GRM4: variants seen among roughly 807,000 people sequenced by gnomAD.
GRM4 encodes the protein glutamate metabotropic receptor 4.
In GRM4, 28 loss-of-function variants were observed where a neutral mutation model predicts 81.7. The ratio of observed to expected loss-of-function variants is 0.34; its 90% CI spans 0.25 to 0.47. The LOEUF (loss-of-function observed/expected upper bound fraction) is 0.47. Ranked by LOEUF, GRM4 falls within the 20% of genes least tolerant of loss-of-function variation. The pLI, the probability that GRM4 is intolerant of heterozygous loss-of-function variation, is 1.00. For synonymous variants in GRM4, 488 were observed against 528.8 expected (o/e 0.92, Z 1.06); for missense variants, 948 against 1,290.0 (o/e 0.73, Z 4.06).
intron 9 of GRM4, among the ~76,000 whole-genome samples, chr6:34,029,370 C>G (rs1764300923): frequency 3.3e-5 from 5 of 152,206 alleles, no homozygotes; most frequent in African/African-American, 1.2e-4. Flanking sequence ...TTCTTCTACC[C>G]AGACCAGCAG....
intron 5 of GRM4, among the ~76,000 whole-genome samples, chr6:34,057,697 T>C (rs1406998925): frequency 6.6e-6 from 1 of 152,234 alleles, no homozygotes; most frequent in Non-Finnish European, 1.5e-5. Context: ...GTTTCTCTAA[T>C]GTTCCTGAGA....
rs2127441621 is a variant in GRM4, at chr6:34,034,604, C to G, written c.2442+1064G>C. Among the ~76,000 whole-genome samples the G allele has an allele frequency of 6.6e-6, 1 of 152,336 alleles. No homozygotes were observed. Among genetic ancestry groups the G allele is most frequent in the African/African-American group, 2.4e-5 (1 of 41,578 alleles). On this transcript the variant is annotated intron_variant, in intron 9 of 10. Coordinates refer to ENST00000538487, the MANE Select transcript of GRM4 (RefSeq NM_000841.4). This position sits in a 1 kb window ranked among gnomAD's most constrained non-coding sequence, Gnocchi z 4.0. The stretch of plus-strand genomic sequence containing the variant: ...CCTGTCACCTCTCTGATCTCGTTCC[C>G]CACTCCTCTGGCTTCCTCAGCTCCA...
rs747823586 is a variant in GRM4, at chr6:34,040,138, C to T, written c.1506+40G>A. On this transcript the variant is annotated intron_variant, in intron 8 of 10. Transcript: ENST00000538487. ...GCCCCCCTCCCAGGGGCTGGAACTG[C>T]GTGAGTCACTCTCCACCCACTCCCT... The T allele has an allele frequency of 2.5e-6, 4 of 1,600,660 alleles. No homozygotes were observed. The East Asian group carries it at 9.0e-5, about 36-fold the overall frequency.
intron 3 of GRM4, among the ~76,000 whole-genome samples, chr6:34,073,281 ATACCACACACAC>A (rs1257496359): frequency 4.6e-3 from 23 of 5,042 alleles, no homozygotes; most frequent in African/African-American, 0.013. Context: ...CACCACACAG[ATACCACACACAC>A]ATCCACACAT....
At chr6:34,116,298 G>A (rs548615332) in intron 2 of GRM4, among the ~76,000 whole-genome samples, 11 of 152,280 alleles carry the variant, frequency 7.2e-5, no homozygotes, top group Admixed American at 2.0e-4. Context: ...AAATGGGGCC[G>A]GTGATACTGA....
chr6:34,137,987 C>A (rs1581735367), intron 1 of GRM4, among the ~76,000 whole-genome samples: 1 of 152,120 alleles, frequency 6.6e-6, no homozygotes, highest in African/African-American at 2.4e-5. Flanking sequence ...CAGAAAGAAC[C>A]ACAAACCACA....
At chr6:34,031,554 A>G (rs1204156045) in intron 9 of GRM4, among the ~76,000 whole-genome samples, 1 of 152,186 alleles carries the variant, frequency 6.6e-6, no homozygotes, top group Non-Finnish European at 1.5e-5. Flanking sequence ...GCTGACCCTG[A>G]TAGGAACCAA....
At chr6:34,154,974 G>T in intron 1 of GRM4, 1 of 940,302 alleles carries the variant, frequency 1.1e-6, no homozygotes, top group Non-Finnish European at 1.5e-6. Flanking sequence ...CGGGCCTGGG[G>T]CGGGTCCGAG....
chr6:34,053,988 C>A (rs1480843204), intron 6 of GRM4, among the ~76,000 whole-genome samples: 2 of 152,170 alleles, frequency 1.3e-5, no homozygotes, highest in Non-Finnish European at 2.9e-5. Context: ...TCTAACGCAC[C>A]TCCAGGCTTT....
In GRM4 at chr6:34,133,673, C is replaced by G; in HGVS notation, c.-177G>C. 1 of 1,415,598 alleles carries G rather than the reference C, an allele frequency of 7.1e-7. No homozygotes were observed. The highest frequency in any genetic ancestry group is 9.2e-7 in the Non-Finnish European group (1 of 1,090,708). The allele number at this position is 1,415,598 out of a possible 1,614,324, so 87.7% of individuals were successfully genotyped here. A position where few individuals can be genotyped will look rare whatever the true frequency, so the allele number is the denominator to read the frequency against. ...CCACCTCCTTGTCACTCGGGCCAAGCACAGTTGCCCGCACAGTCCAGGCCC... is the reference window on the plus strand; with the variant it reads ...CCACCTCCTTGTCACTCGGGCCAAGGACAGTTGCCCGCACAGTCCAGGCCC... On this transcript the variant is annotated 5_prime_UTR_variant, in exon 2 of 11. Coordinates refer to ENST00000538487, the MANE Select transcript of GRM4 (RefSeq NM_000841.4). The surrounding 1 kb of genome is among the most constrained non-coding windows in gnomAD (Gnocchi z 6.5).
At chr6:34,077,445 C>G (rs942906941) in intron 3 of GRM4, among the ~76,000 whole-genome samples, 2 of 152,112 alleles carry the variant, frequency 1.3e-5, no homozygotes, top group South Asian at 4.1e-4. Context: ...CACCATCTTT[C>G]CAGACCACAG....
At chr6:34,043,381 G>C (rs1007361622) in intron 6 of GRM4, among the ~76,000 whole-genome samples, 3 of 152,114 alleles carry the variant, frequency 2.0e-5, no homozygotes, top group African/African-American at 7.2e-5. Flanking sequence ...GGACAGTGTC[G>C]CCTGGAAAGA....
intron 2 of GRM4, among the ~76,000 whole-genome samples, chr6:34,122,618 G>A (rs1308080270): frequency 1.4e-5 from 2 of 147,248 alleles, no homozygotes; most frequent in Admixed American, 6.7e-5. Context: ...GGTGGGCGGG[G>A]GGTGGGGGGG....
intron 6 of GRM4, among the ~76,000 whole-genome samples, chr6:34,041,720 G>A (rs925501016): frequency 2.0e-5 from 3 of 152,232 alleles, no homozygotes; most frequent in Non-Finnish European, 2.9e-5. Context: ...CTTCCAAGAG[G>A]GCTATGGAGG....
At chr6:34,041,429 C>G (rs1272370947) in intron 6 of GRM4, among the ~76,000 whole-genome samples, 2 of 152,206 alleles carry the variant, frequency 1.3e-5, no homozygotes, top group Non-Finnish European at 2.9e-5. Context: ...AACTGAGAAA[C>G]CCATCCCCAT....
chr6:34,056,596 G>A lies in GRM4; in HGVS notation c.1116C>T (p.Cys372=). The A allele has an allele frequency of 6.2e-7, 1 of 1,613,506 alleles. No homozygotes were observed. The highest frequency in any genetic ancestry group is 8.5e-7 in the Non-Finnish European group (1 of 1,179,930). The change falls in exon 6 of 11, where the codon TGC becomes TGT. Residue 372 remains cysteine, a synonymous_variant. Coordinates refer to ENST00000538487, the MANE Select transcript of GRM4 (RefSeq NM_000841.4). The part of the protein sequence containing the change: ...FAEFWEDNFH[C]KLSRHALKKG... ...TCTTGAGGGCGTGGCGGCTCAGCTT[G>A]CAGTGGAAGTTGTCCTCCCAGAACT... is the stretch of plus-strand genomic sequence containing the variant.
chr6:34,083,052 T>G (rs115016760), intron 3 of GRM4, among the ~76,000 whole-genome samples: 1,611 of 152,324 alleles, frequency 0.011, 16 homozygotes, highest in Middle Eastern at 0.024. Flanking sequence ...AAAGAAAATG[T>G]TGCTTCCTGT....
chr6:34,051,918 C>T (rs908790949), intron 6 of GRM4, among the ~76,000 whole-genome samples: 1 of 152,162 alleles, frequency 6.6e-6, no homozygotes. Context: ...CCCAAGGCCA[C>T]GTGGCTGGGA....
At chr6:34,108,009 C>G (rs1048827758) in intron 2 of GRM4, among the ~76,000 whole-genome samples, 1 of 152,224 alleles carries the variant, frequency 6.6e-6, no homozygotes, top group African/African-American at 2.4e-5. Context: ...GAGTGGTTCC[C>G]CTCTGGGCCA....
Sources: allele counts gnomAD v4.1 joint callset (sites outside exome capture counted in the v4.1 genomes callset), GRCh38; gene constraint gnomAD v4.1.1; non-coding constraint Gnocchi (gnomAD v3.1); transcripts MANE v1.5; gene names NCBI Gene and HGNC (gene_info 2026-07-23, HGNC 2026-07-21).